Variants in WWOX observed in about 807,000 individuals in gnomAD.
WWOX encodes the protein WW domain-containing oxidoreductase.
A neutral mutation model predicts 46.2 loss-of-function variants in WWOX; 69 were observed. The observed-to-expected ratio is 1.49, with a 90% CI of 1.23 to 1.82. WWOX has a LOEUF of 1.82. Among genes scored for constraint, WWOX ranks in the 40% most tolerant of loss-of-function variants. The pLI is 0.00. For synonymous variants in WWOX, 359 were observed against 202.6 expected, an observed-to-expected ratio of 1.77 and a Z score of -6.56; for missense variants, 919 against 542.6, an observed-to-expected ratio of 1.69 and a Z score of -6.89.
intron 8 of WWOX, among the ~76,000 whole-genome samples, chr16:79,026,903 A>T (rs1030822290): frequency 6.7e-6 from 1 of 150,080 alleles, no homozygotes; most frequent in South Asian, 2.1e-4. Flanking sequence ...TGCTGGGATT[A>T]CAGGTGTGAG....
At chr16:78,161,571 T>C (rs1054198548) in intron 4 of WWOX, among the ~76,000 whole-genome samples, 2 of 152,136 alleles carry the variant, frequency 1.3e-5, no homozygotes, top group African/African-American at 4.8e-5. Context: ...ATCAGCCTTC[T>C]GAGTAGCTGG....
In WWOX at chr16:78,646,588, C is replaced by A. The variant is rs149588995; in HGVS notation, c.1056+213836C>A. Among the ~76,000 whole-genome samples, 224 of 152,152 alleles carry A rather than the reference C, an allele frequency of 1.5e-3. 10 individuals carry two copies. The South Asian group carries it at 0.044, about 30-fold the overall frequency. ...AATTACACGTATGTACCACTACTCCCGGCTAATTTTTGTCTTTTTAGTAGA... is the reference window on the plus strand; with the variant it reads ...AATTACACGTATGTACCACTACTCCAGGCTAATTTTTGTCTTTTTAGTAGA... On this transcript the variant is annotated intron_variant, in intron 8 of 8. Transcript: ENST00000566780.
At chr16:78,870,566 C>T (rs1185584248) in intron 8 of WWOX, among the ~76,000 whole-genome samples, 1 of 151,900 alleles carries the variant, frequency 6.6e-6, no homozygotes, top group Admixed American at 6.6e-5. Flanking sequence ...CCTCTTCTCC[C>T]CTTGTCTCTC....
At chr16:78,116,672 T>C (rs185711162) in intron 4 of WWOX, among the ~76,000 whole-genome samples, 27 of 152,332 alleles carry the variant, frequency 1.8e-4, no homozygotes, top group Non-Finnish European at 1.5e-5. Flanking sequence ...AGAATACATT[T>C]TGTTGATCAT....
At chr16:79,053,595 A>C (rs1481429742) in intron 8 of WWOX, among the ~76,000 whole-genome samples, 1 of 152,200 alleles carries the variant, frequency 6.6e-6, no homozygotes, top group Non-Finnish European at 1.5e-5. Context: ...GAAGATATGA[A>C]TATTAATCTA....
chr16:78,744,743 G>C (rs1267161332), intron 8 of WWOX, among the ~76,000 whole-genome samples: 3 of 152,058 alleles, frequency 2.0e-5, no homozygotes, highest in African/African-American at 7.2e-5. Context: ...TTACCAGCCT[G>C]CACTGCATTT....
At chr16:79,210,045 G>C (rs1054239443) in intron 8 of WWOX, among the ~76,000 whole-genome samples, 3 of 152,164 alleles carry the variant, frequency 2.0e-5, no homozygotes, top group African/African-American at 7.2e-5. Flanking sequence ...AGTCATGTCA[G>C]TTATTCAAAT....
intron 8 of WWOX, chr16:79,203,814 T>C (rs2051421206): frequency 6.6e-6 from 1 of 152,220 alleles, no homozygotes; most frequent in African/African-American, 2.4e-5. Context: ...TTCAAAGGTT[T>C]ATTTTGGTGT....
intron 5 of WWOX, among the ~76,000 whole-genome samples, chr16:78,297,367 T>C (rs1179529244): frequency 1.3e-5 from 2 of 152,184 alleles, no homozygotes. Flanking sequence ...TATGGCATCA[T>C]GTAGGGAGCC....
chr16:78,773,864 T>G (rs933323176), intron 8 of WWOX, among the ~76,000 whole-genome samples: 7 of 152,186 alleles, frequency 4.6e-5, no homozygotes, highest in Non-Finnish European at 1.5e-5. Flanking sequence ...GTATTTAACT[T>G]CTGTTGGCAT....
intron 5 of WWOX, among the ~76,000 whole-genome samples, chr16:78,237,048 TG>T (rs1417178489): frequency 1.6e-5 from 2 of 126,044 alleles, no homozygotes; most frequent in African/African-American, 6.2e-5. Flanking sequence ...CACTCCAGCC[TG>T]GGTGACAGAG....
intron 5 of WWOX, among the ~76,000 whole-genome samples, chr16:78,351,719 C>T (rs1038398434): frequency 5.3e-5 from 8 of 152,100 alleles, no homozygotes; most frequent in East Asian, 1.9e-4. Context: ...TGCAGTGGCA[C>T]GATGTTGGCT....
intron 4 of WWOX, among the ~76,000 whole-genome samples, chr16:78,127,625 A>C (rs745385462): frequency 2.6e-5 from 4 of 151,986 alleles, no homozygotes; most frequent in Non-Finnish European, 5.9e-5. Context: ...ATTCTTTAAA[A>C]CCGTTATACC....
intron 8 of WWOX, among the ~76,000 whole-genome samples, chr16:78,611,912 T>C (rs932651173): frequency 2.0e-5 from 3 of 152,118 alleles, no homozygotes; most frequent in Admixed American, 6.5e-5. Context: ...AAATCATGTA[T>C]ACAAGCCAGA....
chr16:78,755,853 C>G (rs542862354), intron 8 of WWOX, among the ~76,000 whole-genome samples: 14 of 152,324 alleles, frequency 9.2e-5, no homozygotes, highest in African/African-American at 3.4e-4. Context: ...CCAGATTTTT[C>G]TCCTCCTCTA....
chr16:78,138,355 A>G (rs4888746), intron 4 of WWOX, among the ~76,000 whole-genome samples: 68,484 of 150,434 alleles, frequency 0.46, 17,438 homozygotes, highest in African/African-American at 0.54. Context: ...TTTGTTTTTT[A>G]TAATGCTTCA....
At chr16:78,723,094 T>C (rs549397903) in intron 8 of WWOX, among the ~76,000 whole-genome samples, 1 of 152,260 alleles carries the variant, frequency 6.6e-6, no homozygotes, top group East Asian at 1.9e-4. Context: ...TGGATTAAAC[T>C]ACCTTAAGGC....
intron 3 of WWOX, among the ~76,000 whole-genome samples, chr16:78,112,694 G>C (rs1240894467): frequency 7.0e-6 from 1 of 143,724 alleles, no homozygotes; most frequent in African/African-American, 2.6e-5. Context: ...TTTTTTCCAA[G>C]TTTTCTTTCT....
rs527555563 is a variant in WWOX, at chr16:78,793,511, T to A, written c.1056+360759T>A. Among the ~76,000 whole-genome samples the A allele has an allele frequency of 2.6e-5, 4 of 152,214 alleles. No homozygotes were observed. In the East Asian group the frequency reaches 7.7e-4, roughly 29 times the overall value. On this transcript the variant is annotated intron_variant, in intron 8 of 8. Transcript: ENST00000566780. ...CCCAGATATGGCTTCATTTTTTAAA[T>A]GAAATTTTGCAGGTCATTAGCTCAT...
Sources: gnomAD v4.1 joint callset for allele counts (sites outside exome capture counted in the v4.1 genomes callset) on GRCh38, gnomAD v4.1.1 for gene constraint, MANE v1.5 for transcripts, NCBI Gene and HGNC (gene_info 2026-07-23, HGNC 2026-07-21) for gene names.